OAS1: variants seen among roughly 807,000 people sequenced by gnomAD.
OAS1 encodes the protein 2'-5'-oligoadenylate synthetase 1.
In OAS1, 24 loss-of-function variants were observed where a neutral mutation model predicts 38.5. That is an observed-to-expected ratio of 0.62 (90% CI 0.45 to 0.88). The LOEUF (loss-of-function observed/expected upper bound fraction) is 0.88, where lower values mean the gene tolerates loss of function less well. OAS1 is among the 40% of genes least tolerant of loss of function. OAS1 has a pLI of 0.00. For missense variants in OAS1, 482 were observed against 493.9 expected, an observed-to-expected ratio of 0.98 and a Z score of 0.23; for synonymous variants, 169 against 193.9, an observed-to-expected ratio of 0.87 and a Z score of 1.07.
intron 1 of OAS1, among the ~76,000 whole-genome samples, chr12:112,908,088 G>T (rs530088909): frequency 7.9e-5 from 12 of 152,308 alleles, no homozygotes; most frequent in African/African-American, 1.9e-4. Flanking sequence ...CAGGCAGGCC[G>T]CTCCTCCAGG....
At chr12:112,915,947 T>C (rs1279264445) in intron 3 of OAS1, among the ~76,000 whole-genome samples, 1 of 152,240 alleles carries the variant, frequency 6.6e-6, no homozygotes, top group Non-Finnish European at 1.5e-5. Context: ...GTGTGCCTGG[T>C]TACATATGTG....
intron 6 of OAS1, among the ~76,000 whole-genome samples, chr12:112,930,121 G>A (rs1350955368): frequency 6.6e-6 from 1 of 152,028 alleles, no homozygotes; most frequent in Non-Finnish European, 1.5e-5. Flanking sequence ...TTAAAACTGG[G>A]TGGCACCTCC....
At chr12:112,911,295 G>A in intron 3 of OAS1, 60 bp downstream of exon 3, 3 of 1,377,614 alleles carry the variant, frequency 2.2e-6, no homozygotes, top group Non-Finnish European at 3.0e-6. Context: ...AGGAGGGGTG[G>A]GGGGAGGAGA....
chr12:112,930,255 C>G (rs1226128225), intron 6 of OAS1, among the ~76,000 whole-genome samples: 1 of 152,186 alleles, frequency 6.6e-6, no homozygotes, highest in African/African-American at 2.4e-5. Context: ...ACCATGCTTC[C>G]TGTAAAGCCT....
chr12:112,910,788 G>A (rs896331425), intron 2 of OAS1, among the ~76,000 whole-genome samples: 2 of 152,168 alleles, frequency 1.3e-5, no homozygotes, highest in Non-Finnish European at 2.9e-5. Context: ...GCATTCTCTA[G>A]GTGCCAGGTT....
At chr12:112,917,293 CA>C (rs2043474390) in intron 4 of OAS1, among the ~76,000 whole-genome samples, 1 of 152,166 alleles carries the variant, frequency 6.6e-6, no homozygotes, top group Non-Finnish European at 1.5e-5. Context: ...GTGACCTACC[CA>C]AGGGCACATC....
chr12:112,908,416 AC>A, intron 1 of OAS1, 119 bp from the exon 2 acceptor site: 1 of 880,988 alleles, frequency 1.1e-6, no homozygotes, highest in Non-Finnish European at 1.7e-6. Context: ...GGAGTTTAAG[AC>A]ATGCAATGCC....
chr12:112,908,540 G>T lies in OAS1; in HGVS notation c.185G>T (p.Gly62Val), dbSNP rs759360790. 1 of 1,603,822 alleles carries T rather than the reference G, an allele frequency of 6.2e-7. No individual in the cohort carries two copies. Among genetic ancestry groups the T allele is most frequent in the Non-Finnish European group, 8.5e-7 (1 of 1,175,056 alleles). Residue 62 changes from glycine to valine, a missense_variant, in exon 2 of 6, where the codon GGC becomes GTC. Gly to Val is a moderately radical substitution (Grantham distance 109). Coordinates refer to ENST00000202917, the MANE Select transcript of OAS1 (RefSeq NM_016816.4). ...PVCVSKVVKG[G>V]SSGKGTTLRG... ...TATTTTTGTCGTCTTTTTCAGGGTG[G>T]CTCCTCAGGCAAGGGCACCACCCTC...
Position 112,908,926 on chromosome 12 carries a change from G to C in OAS1, c.469+102G>C, listed in dbSNP as rs755148052. ...CCCAACAGGGCATCTCTCTAAAGCA[G>C]GGTGGGAGGAGATCTTAGGATCTGT... On this transcript the variant is annotated intron_variant, in intron 2 of 5. Transcript: ENST00000202917. 5.4e-5 allele frequency: 69 copies of C among 1,278,130 alleles called. No homozygotes were observed. In the South Asian group the frequency reaches 8.7e-4, roughly 16 times the overall value. 79.2% of individuals were successfully genotyped at this position (1,278,130 alleles called of 1,614,324 possible).
chr12:112,932,114 C>CA, exon 7 of OAS1: 1 of 565,718 alleles, frequency 1.8e-6, no homozygotes, highest in Non-Finnish European at 3.1e-6. Context: ...TTCAATGCCC[C>CA]ATATGAATAC....
chr12:112,929,681 G>A (rs1212120668), intron 6 of OAS1, among the ~76,000 whole-genome samples: 1 of 152,176 alleles, frequency 6.6e-6, no homozygotes, highest in African/African-American at 2.4e-5. Flanking sequence ...CTGAGGCACA[G>A]AGAGGTTAAG....
At chr12:112,925,799 T>C (rs1006154586) in intron 6 of OAS1, among the ~76,000 whole-genome samples, 1 of 152,058 alleles carries the variant, frequency 6.6e-6, no homozygotes, top group African/African-American at 2.4e-5. Context: ...AATAAGTAAA[T>C]AAATAAATAC....
chr12:112,930,178 C>G (rs1194694736), intron 6 of OAS1, among the ~76,000 whole-genome samples: 1 of 152,120 alleles, frequency 6.6e-6, no homozygotes, highest in Non-Finnish European at 1.5e-5. Context: ...TATGCCTGCT[C>G]CCCCTTTGCC....
downstream of OAS1, among the ~76,000 whole-genome samples, chr12:112,922,098 T>C (rs2043533686): frequency 6.6e-6 from 1 of 152,190 alleles, no homozygotes; most frequent in African/African-American, 2.4e-5. Context: ...TCAGTGTTGA[T>C]CCTCTGCCCA....
chr12:112,914,908 G>T (rs1280950155), intron 3 of OAS1, among the ~76,000 whole-genome samples: 5 of 149,464 alleles, frequency 3.3e-5, no homozygotes, highest in African/African-American at 9.9e-5. Flanking sequence ...CACCCCGCTT[G>T]TTGGTATTTG....
chr12:112,922,495 C>T (rs2043536562), downstream of OAS1, among the ~76,000 whole-genome samples: 1 of 152,140 alleles, frequency 6.6e-6, no homozygotes, highest in African/African-American at 2.4e-5. Flanking sequence ...TCCAACCTCA[C>T]CATTCATTAT....
chr12:112,923,181 G>A (rs1259710559), downstream of OAS1, among the ~76,000 whole-genome samples: 1 of 152,178 alleles, frequency 6.6e-6, no homozygotes, highest in Non-Finnish European at 1.5e-5. Context: ...GAATAGTGCT[G>A]CAGTAAACAT....
At position 112,908,650 on chromosome 12, in the gene OAS1, A is replaced by G. The variant is rs753837415; in HGVS notation, c.295A>G (p.Ile99Val). The stretch of plus-strand genomic sequence containing the variant: ...TCAGTTAAATCGCCGGGGAGAGTTC[A>G]TCCAGGAAATTAGGAGACAGCTGGA... ...QDQLNRRGEFIQEIRRQLEAC... is the reference protein window; with the variant it reads ...QDQLNRRGEFVQEIRRQLEAC... The change falls in exon 2 of 6, where the codon ATC (isoleucine) becomes GTC (valine). Residue 99 changes from isoleucine to valine, a missense_variant. Ile to Val is a conservative substitution (Grantham distance 29). Transcript: ENST00000202917. The G allele has an allele frequency of 1.2e-6, 2 of 1,614,218 alleles. No homozygotes were observed. Among genetic ancestry groups the G allele is most frequent in the Non-Finnish European group, 1.7e-6 (2 of 1,180,036 alleles).
At chr12:112,913,831 C>A (rs1022488864) in intron 3 of OAS1, among the ~76,000 whole-genome samples, 3 of 152,080 alleles carry the variant, frequency 2.0e-5, no homozygotes, top group African/African-American at 4.8e-5. Flanking sequence ...CACTTCTTTT[C>A]TGTGACATGA....
Sources: gnomAD v4.1 joint callset for allele counts (sites outside exome capture counted in the v4.1 genomes callset) on GRCh38, gnomAD v4.1.1 for gene constraint, MANE v1.5 for transcripts, NCBI Gene and HGNC (gene_info 2026-07-23, HGNC 2026-07-21) for gene names.